The following PTPRC variants were observed in gnomAD, a reference collection of about 807,000 sequenced individuals.
PTPRC encodes the protein protein tyrosine phosphatase receptor type C.
In PTPRC, 44 loss-of-function variants were observed where a neutral mutation model predicts 155.9. That is an observed-to-expected ratio of 0.28 (90% confidence interval 0.22 to 0.36). The LOEUF (loss-of-function observed/expected upper bound fraction) is 0.36. Ranked by LOEUF, PTPRC falls within the 10% of genes least tolerant of loss-of-function variation. PTPRC has a pLI of 1.00. For synonymous variants in PTPRC, 525 were observed against 533.1 expected, an observed-to-expected ratio of 0.98 and a Z score of 0.21; for missense variants, 1,401 against 1,564.6, an observed-to-expected ratio of 0.90 and a Z score of 1.76.
Position 198,749,460 on chromosome 1 carries a change from A to G in PTPRC, c.2983A>G (p.Lys995Glu), listed in dbSNP as rs1223167076. 2 of 1,610,004 alleles carry G rather than the reference A, an allele frequency of 1.2e-6. No homozygotes were observed. Among genetic ancestry groups the G allele is most frequent in the South Asian group, 2.2e-5 (2 of 91,004 alleles). ...VPLKHELEMS[K>E]ESEHDSDESS... ...ACTTAAACATGAGCTGGAAATGAGTAAAGAGAGTGAGCATGATTCAGATGA... is the reference window on the plus strand; with the variant it reads ...ACTTAAACATGAGCTGGAAATGAGTGAAGAGAGTGAGCATGATTCAGATGA... The change falls in exon 28 of 33, where the codon AAA becomes GAA. Residue 995 changes from lysine (K) to glutamate (E), a missense_variant. Lys to Glu is a moderately conservative substitution (Grantham distance 56). Coordinates refer to ENST00000442510, the MANE Select transcript of PTPRC (RefSeq NM_002838.5).
chr1:198,705,443 T>A (rs1460106201), intron 8 of PTPRC, among the ~76,000 whole-genome samples: 1 of 150,948 alleles, frequency 6.6e-6, no homozygotes, highest in African/African-American at 2.4e-5. Context: ...TTTTTTTTTT[T>A]TTTTTCTCAC....
rs1491221837 is a variant in PTPRC, at chr1:198,732,125, AGT to A, written c.1975-174_1975-173del. ...GTCAATCATTAATTTGTAAGAAAAA[AGT>A]TTTTTTTTTAACATAATTCCTGATC... On this transcript the variant is annotated intron_variant, in intron 18 of 32. Transcript: ENST00000442510. Among the ~76,000 whole-genome samples, 195 of 151,840 alleles carry A rather than the reference AGT, an allele frequency of 1.3e-3. 1 individual carries two copies. The highest frequency in any genetic ancestry group is 2.0e-3 in the Non-Finnish European group (136 of 67,872).
chr1:198,749,700 A>G, intron 28 of PTPRC, 151 bp downstream of exon 28: 2 of 739,618 alleles, frequency 2.7e-6, no homozygotes, highest in Non-Finnish European at 4.5e-6. Flanking sequence ...TTTCAATGCT[A>G]CAATTTAACT....
At chr1:198,723,122 T>TAC (rs1558023136) in intron 15 of PTPRC, among the ~76,000 whole-genome samples, 1 of 149,594 alleles carries the variant, frequency 6.7e-6, no homozygotes, top group Non-Finnish European at 1.5e-5. Flanking sequence ...CATATATATA[T>TAC]ATATATATAT....
intron 23 of PTPRC, 90 bp from the exon 24 acceptor site, chr1:198,741,779 G>T: frequency 7.7e-7 from 1 of 1,295,368 alleles, no homozygotes; most frequent in South Asian, 1.3e-5. Context: ...TACACGAGGA[G>T]ACTTTGTACT....
chr1:198,754,527 C>T, intron 32 of PTPRC, 123 bp downstream of exon 32: 3 of 1,162,078 alleles, frequency 2.6e-6, no homozygotes, highest in Non-Finnish European at 3.7e-6. Context: ...TTCCTTTTCT[C>T]TTCTCTATTT....
Position 198,752,727 on chromosome 1 carries a change from A to C in PTPRC, c.3464A>C (p.Glu1155Ala). The C allele has an allele frequency of 9.9e-6, 16 of 1,612,950 alleles. No individual in the cohort carries two copies. Among genetic ancestry groups the C allele is most frequent in the Non-Finnish European group, 1.4e-5 (16 of 1,179,380 alleles). Residue 1155 changes from glutamate to alanine, a missense_variant, in exon 31 of 33, where the codon GAA becomes GCA. By Grantham distance (107) the Glu-to-Ala change is moderately radical (BLOSUM62 -1). This residue lies in a region of PTPRC where 400 missense variants were observed against 389.5 expected (regional missense o/e 1.03). Coordinates refer to ENST00000442510, the MANE Select transcript of PTPRC (RefSeq NM_002838.5). The stretch of plus-strand genomic sequence containing the variant: ...AAACTTCCCCAGAAGAATTCCTCTG[A>C]AGGGAACAAGCATCACAAGAGTACA... ...KQKLPQKNSSEGNKHHKSTPL... is the reference protein window; with the variant it reads ...KQKLPQKNSSAGNKHHKSTPL...
chr1:198,694,069 A>G, intron 3 of PTPRC: 1 of 1,549,328 alleles, frequency 6.5e-7, no homozygotes, highest in Non-Finnish European at 8.7e-7. Context: ...CCAAACCTCA[A>G]AAGTAGGGAA....
intron 24 of PTPRC, 60 bp downstream of exon 24, chr1:198,742,086 G>T: frequency 6.2e-7 from 1 of 1,604,282 alleles, no homozygotes; most frequent in South Asian, 1.1e-5. Context: ...GAATCCACCT[G>T]CCTAGGGCTG....
intron 2 of PTPRC, chr1:198,679,563 C>A: frequency 5.5e-6 from 1 of 180,742 alleles, no homozygotes. Flanking sequence ...CCACCTTGCC[C>A]GGCCAAGCTC....
chr1:198,741,837 T>C lies in PTPRC; in HGVS notation c.2404-32T>C, dbSNP rs746208565. On this transcript the variant is annotated intron_variant, in intron 23 of 32. Transcript: ENST00000442510. ...TGTTTCATAGTTTGCTTTAAAAAAA[T>C]CATCTCAAAGAAAATATTATCTCTT... is the stretch of plus-strand genomic sequence containing the variant. 2.9e-5 allele frequency: 46 copies of C among 1,601,760 alleles called. 1 individual carries two copies. The South Asian group carries it at 4.7e-4, about 16-fold the overall frequency.
intron 2 of PTPRC, among the ~76,000 whole-genome samples, chr1:198,671,717 T>C (rs1478317753): frequency 2.0e-5 from 3 of 152,242 alleles, no homozygotes; most frequent in African/African-American, 7.2e-5. Flanking sequence ...TTAACTTGCC[T>C]TGCTGTCATA....
At position 198,756,010 on chromosome 1, in the gene PTPRC, T is replaced by G; in HGVS notation, c.3750T>G (p.Asn1250Lys). The change falls in exon 33 of 33, where the codon AAT becomes AAG. Residue 1250 changes from asparagine to lysine, a missense_variant. By Grantham distance (94) the Asn-to-Lys change is moderately conservative. Around this residue, in one of 3 missense-constraint regions of PTPRC, gnomAD observed 400 missense variants for 389.5 expected, o/e 1.03. Transcript: ENST00000442510. ...AAGAAGATAAAATTGAATTTGATAA[T>G]GAAGTGGACAAAGTAAAGCAGGATG... ...NHQEDKIEFD[N>K]EVDKVKQDAN... 6.2e-7 allele frequency: 1 copy of G among 1,613,386 alleles called. No individual in the cohort carries two copies. The highest frequency in any genetic ancestry group is 8.5e-7 in the Non-Finnish European group (1 of 1,179,602).
intron 2 of PTPRC, among the ~76,000 whole-genome samples, chr1:198,653,725 T>C (rs1057433814): frequency 1.3e-5 from 2 of 151,938 alleles, no homozygotes; most frequent in Non-Finnish European, 2.9e-5. Context: ...ATTCTTTACA[T>C]TTTAAAACAT....
chr1:198,706,849 C>A lies in PTPRC; in HGVS notation c.801C>A (p.Asn267Lys), dbSNP rs1461459776. 1 of 1,612,588 alleles carries A rather than the reference C, an allele frequency of 6.2e-7. No individual in the cohort carries two copies. The highest frequency in any genetic ancestry group is 8.5e-7 in the Non-Finnish European group (1 of 1,178,770). ...AATGTGGAAACAATACTTGCACAAA[C>A]AATGAGGTGCATAACCTTACAGAAT... is the stretch of plus-strand genomic sequence containing the variant. Reference protein sequence around the residue: ...NVECGNNTCTNNEVHNLTECK... With the variant: ...NVECGNNTCTKNEVHNLTECK... Residue 267 changes from asparagine (N) to lysine (K), a missense_variant, in exon 9 of 33, where the codon AAC becomes AAA. Coordinates refer to ENST00000442510, the MANE Select transcript of PTPRC (RefSeq NM_002838.5).
chr1:198,756,416 T>C lies in PTPRC; in HGVS notation c.*235T>C. On this transcript the variant is annotated 3_prime_UTR_variant, in exon 33 of 33. Coordinates refer to ENST00000442510, the MANE Select transcript of PTPRC (RefSeq NM_002838.5). The stretch of plus-strand genomic sequence containing the variant: ...ATCTCTTATTCAGTAAAAAACAACT[T>C]CTTTGTAATCGTTATGTGTGTATAT... 1.8e-6 allele frequency: 1 copy of C among 552,316 alleles called. No individual in the cohort carries two copies. Among genetic ancestry groups the C allele is most frequent in the Non-Finnish European group, 3.2e-6 (1 of 314,582 alleles). 34.2% of individuals were successfully genotyped at this position (552,316 alleles called of 1,614,324 possible).
chr1:198,704,007 C>T (rs1666600443), intron 7 of PTPRC: 2 of 173,386 alleles, frequency 1.2e-5, no homozygotes, highest in Non-Finnish European at 2.5e-5. Flanking sequence ...AGTAGATGTG[C>T]AAAGAGCTTA....
At chr1:198,692,208 A>T in intron 2 of PTPRC, 139 bp from the exon 3 acceptor site, 1 of 511,034 alleles carries the variant, frequency 2.0e-6, no homozygotes, top group Non-Finnish European at 3.4e-6. Context: ...TAGTTTCATT[A>T]GGGTAAAAGC....
chr1:198,696,981 A>G, intron 4 of PTPRC, 72 bp downstream of exon 4: 1 of 1,335,602 alleles, frequency 7.5e-7, no homozygotes, highest in Non-Finnish European at 1.1e-6. Flanking sequence ...TATCAGTACA[A>G]CTTGTCTTTA....
Sources: gnomAD v4.1 joint callset for allele counts (sites outside exome capture counted in the v4.1 genomes callset) on GRCh38, gnomAD v4.1.1 for gene constraint, gnomAD v4.1.1 regional missense constraint, MANE v1.5 for transcripts, NCBI Gene and HGNC (gene_info 2026-07-23, HGNC 2026-07-21) for gene names.